The following CYLC1 variants were observed in gnomAD, a reference collection of about 807,000 sequenced individuals.
CYLC1 encodes cylicin 1, also known as cylicin-1.
A neutral mutation model predicts 31.6 loss-of-function variants in CYLC1; 2 were observed. The observed-to-expected ratio is 0.06, with a 90% CI of 0.03 to 0.20. The LOEUF (loss-of-function observed/expected upper bound fraction) is 0.20. Among genes scored for constraint, CYLC1 ranks in the 10% least tolerant of loss-of-function variants. CYLC1 has a pLI of 1.00. For synonymous variants in CYLC1, 185 were observed against 153.0 expected, an observed-to-expected ratio of 1.21 and a Z score of -1.54; for missense variants, 595 against 424.1, an observed-to-expected ratio of 1.40 and a Z score of -3.54.
At position 83,864,391 on chromosome X, in the gene CYLC1, T is replaced by A. The variant is rs1368657314; in HGVS notation, c.17+3192T>A. On this transcript the variant is annotated intron_variant, in intron 1 of 4. Transcript: ENST00000329312. ...TCCCATCAGTGTTCAAAAAAAGTAG[T>A]AACTCCTACCACTTAAAAATCCCTT... Among the ~76,000 whole-genome samples the A allele has an allele frequency of 1.1e-4, 12 of 111,017 alleles. No individual in the cohort carries two copies. The Admixed American group carries it at 1.2e-3, about 11-fold the overall frequency.
At chrX:83,877,985 A>T (rs1355749724) in intron 4 of CYLC1, among the ~76,000 whole-genome samples, 1 of 70,520 alleles carries the variant, frequency 1.4e-5, no homozygotes, top group African/African-American at 5.5e-5. Context: ...TATAAATATA[A>T]ATATATATAT....
intron 1 of CYLC1, among the ~76,000 whole-genome samples, chrX:83,862,480 T>C (rs1170550834): frequency 1.8e-5 from 2 of 110,762 alleles, no homozygotes; most frequent in African/African-American, 6.6e-5. Context: ...GGGGCGGAGC[T>C]TGCAGTGAGC....
rs901302040 is a variant in CYLC1, at chrX:83,865,498, T to C, written c.17+4299T>C. The stretch of plus-strand genomic sequence containing the variant: ...ACCTTGATTAGTTTCATATTGCCTC[T>C]GTAACAAATTACCATATACTTTGTG... On this transcript the variant is annotated intron_variant, in intron 1 of 4. Transcript: ENST00000329312. Among the ~76,000 whole-genome samples the C allele has an allele frequency of 4.5e-5, 5 of 112,211 alleles. No individual in the cohort carries two copies. The East Asian group carries it at 8.4e-4, about 19-fold the overall frequency.
rs763345763 is a variant in CYLC1, at chrX:83,873,874, A to G, written c.1166A>G (p.Lys389Arg). ...DARNDSRNLK[K>R]ASKNDDKKKD... Reference sequence around the variant, plus strand: ...AGAAATGATTCAAGAAATTTGAAGAAAGCTTCAAAGAATGATGACAAGAAA... The same window carrying G: ...AGAAATGATTCAAGAAATTTGAAGAGAGCTTCAAAGAATGATGACAAGAAA... Residue 389 changes from lysine (K) to arginine (R), a missense_variant, in exon 4 of 5, where the codon AAA (lysine) becomes AGA (arginine). Transcript: ENST00000329312. The G allele has an allele frequency of 9.6e-4, 1,144 of 1,193,134 alleles. 10 individuals carry two copies. In the South Asian group the frequency reaches 0.02, roughly 20 times the overall value.
At chrX:83,878,003 TAA>T (rs1285382093) in intron 4 of CYLC1, among the ~76,000 whole-genome samples, 17 of 70,678 alleles carry the variant, frequency 2.4e-4, no homozygotes, top group African/African-American at 8.8e-4. Context: ...TATTTGTATA[TAA>T]ATATATATAT....
intron 4 of CYLC1, among the ~76,000 whole-genome samples, chrX:83,877,541 C>A (rs952113595): frequency 2.7e-5 from 3 of 110,295 alleles, no homozygotes; most frequent in Non-Finnish European, 5.7e-5. Context: ...CTTTTTGTTT[C>A]TCATAAACAC....
chrX:83,874,218 G>C lies in CYLC1; in HGVS notation c.1510G>C (p.Gly504Arg). ...CAAGAAACACTCAAAGGAAAAGAAA[G>C]GTTCAAAGAAAGATATCAAGAAGGA... is the stretch of plus-strand genomic sequence containing the variant. ...KDKKHSKEKKGSKKDIKKDAR... is the reference protein window; with the variant it reads ...KDKKHSKEKKRSKKDIKKDAR... Residue 504 changes from glycine (G) to arginine (R), a missense_variant, in exon 4 of 5, where the codon GGT (glycine) becomes CGT (arginine). By Grantham distance (125) the Gly-to-Arg change is moderately radical (BLOSUM62 -2). Coordinates refer to ENST00000329312, the MANE Select transcript of CYLC1 (RefSeq NM_021118.3). 1 of 1,205,859 alleles carries C rather than the reference G, an allele frequency of 8.3e-7. No individual in the cohort carries two copies. Among genetic ancestry groups the C allele is most frequent in the Non-Finnish European group, 1.1e-6 (1 of 891,686 alleles).
At position 83,874,474 on chromosome X, in the gene CYLC1, A is replaced by G. The variant is rs1403728026; in HGVS notation, c.1766A>G (p.Asn589Ser). 2 of 1,209,926 alleles carry G rather than the reference A, an allele frequency of 1.7e-6. No homozygotes were observed. Among genetic ancestry groups the G allele is most frequent in the East Asian group, 3.0e-5 (1 of 33,741 alleles). The change falls in exon 4 of 5, where the codon AAT (asparagine) becomes AGT (serine). Residue 589 changes from asparagine (N) to serine (S), a missense_variant. Coordinates refer to ENST00000329312, the MANE Select transcript of CYLC1 (RefSeq NM_021118.3). Reference sequence around the variant, plus strand: ...ATGTCATCCAAAAAGACTACATTCAATGAAAAAGGGGAAAAAGCAAGTACA... The same window carrying G: ...ATGTCATCCAAAAAGACTACATTCAGTGAAAAAGGGGAAAAAGCAAGTACA... ...FRMSSKKTTF[N>S]EKGEKASTGR...
At position 83,881,895 on chromosome X, in the gene CYLC1, A is replaced by G. The variant is rs903949351; in HGVS notation, c.1924-4657A>G. Among the ~76,000 whole-genome samples the G allele has an allele frequency of 1.8e-4, 20 of 109,646 alleles. No individual in the cohort carries two copies. In the Admixed American group the frequency reaches 2.0e-3, roughly 11 times the overall value. The stretch of plus-strand genomic sequence containing the variant: ...GTATTTTTAGTAGAGACGGGATTTC[A>G]CCGTGTTAGCCAGGATGGTTTCGAT... On this transcript the variant is annotated intron_variant, in intron 4 of 4. Coordinates refer to ENST00000329312, the MANE Select transcript of CYLC1 (RefSeq NM_021118.3).
At chrX:83,883,131 CCTT>C (rs1174024360) in intron 4 of CYLC1, among the ~76,000 whole-genome samples, 5 of 111,101 alleles carry the variant, frequency 4.5e-5, no homozygotes, top group Admixed American at 9.7e-5. Context: ...ATTGGTTTCT[CCTT>C]CTTCTCCAGT....
In CYLC1 at chrX:83,874,293, A is replaced by C. The variant is rs2031726512; in HGVS notation, c.1585A>C (p.Lys529Gln). The change falls in exon 4 of 5, where the codon AAG becomes CAG. Residue 529 changes from lysine to glutamine, a missense_variant. Coordinates refer to ENST00000329312, the MANE Select transcript of CYLC1 (RefSeq NM_021118.3). ...STDAEFDESS[K>Q]TGFKTSTKIK... ...TGATGCTGAATTTGATGAATCTTCC[A>C]AGACAGGCTTTAAAACATCTACAAA... 4.1e-6 allele frequency: 5 copies of C among 1,209,987 alleles called. No individual in the cohort carries two copies. Among genetic ancestry groups the C allele is most frequent in the African/African-American group, 1.7e-5 (1 of 57,656 alleles).
chrX:83,868,062 G>A (rs2031614808), intron 1 of CYLC1, among the ~76,000 whole-genome samples: 1 of 111,113 alleles, frequency 9.0e-6, no homozygotes, highest in African/African-American at 3.3e-5. Context: ...AGAAAGTTAT[G>A]TTTATAAATA....
intron 4 of CYLC1, among the ~76,000 whole-genome samples, chrX:83,883,161 T>C (rs190930082): frequency 8.8e-4 from 98 of 111,547 alleles, no homozygotes; most frequent in South Asian, 7.9e-3. Flanking sequence ...CTTCAAAGCT[T>C]GACTTTCCCT....
At chrX:83,879,207 C>G (rs980628414) in intron 4 of CYLC1, among the ~76,000 whole-genome samples, 2 of 109,830 alleles carry the variant, frequency 1.8e-5, no homozygotes, top group East Asian at 5.7e-4. Context: ...ATATAAAATA[C>G]GTAAAGAAAA....
In CYLC1 at chrX:83,873,145, A is replaced by C; in HGVS notation, c.437A>C (p.Gln146Pro). Residue 146 changes from glutamine (Q) to proline (P), a missense_variant, in exon 4 of 5, where the codon CAA becomes CCA. Transcript: ENST00000329312. ...GSYATNPESK[Q>P]IVEEKTKRQN... ...TATGCAACAAATCCAGAATCCAAGC[A>C]AATAGTAGAAGAGAAAACTAAAAGA... 1 of 1,201,655 alleles carries C rather than the reference A, an allele frequency of 8.3e-7. No individual in the cohort carries two copies. The highest frequency in any genetic ancestry group is 1.1e-6 in the Non-Finnish European group (1 of 890,658).
Position 83,877,909 on chromosome X carries a change from A to AATAT in CYLC1, c.1923+3292_1923+3295dup, listed in dbSNP as rs1180924227. ...ATATATATATATACAAATATATATAAATATATATATATATATAAATATAAA... is the reference window on the plus strand; with the variant it reads ...ATATATATATATACAAATATATATAAATATATATATATATATATATAAATATAAA... On this transcript the variant is annotated intron_variant, in intron 4 of 4. Transcript: ENST00000329312. Among the ~76,000 whole-genome samples, 89 of 20,995 alleles carry AATAT rather than the reference A, an allele frequency of 4.2e-3. 1 individual carries two copies. Among genetic ancestry groups the AATAT allele is most frequent in the African/African-American group, 7.7e-3 (82 of 10,669 alleles). 18.2% of individuals were successfully genotyped at this position (20,995 alleles called of 115,157 possible).
At chrX:83,881,742 T>G (rs1025166289) in intron 4 of CYLC1, among the ~76,000 whole-genome samples, 1 of 107,832 alleles carries the variant, frequency 9.3e-6, no homozygotes, top group African/African-American at 3.4e-5. Context: ...TTTTTTTTTT[T>G]GAGACAGAGT....
In CYLC1 at chrX:83,873,843, G is replaced by A. The variant is rs868772172; in HGVS notation, c.1135G>A (p.Asp379Asn). Residue 379 changes from aspartate to asparagine, a missense_variant, in exon 4 of 5, where the codon GAT becomes AAT. Transcript: ENST00000329312. ...STDTESGDAK[D>N]ARNDSRNLKK... Reference sequence around the variant, plus strand: ...TGATACTGAATCAGGAGATGCAAAGGATGCAAGAAATGATTCAAGAAATTT... The same window carrying A: ...TGATACTGAATCAGGAGATGCAAAGAATGCAAGAAATGATTCAAGAAATTT... 1.7e-6 allele frequency: 2 copies of A among 1,188,575 alleles called. No individual in the cohort carries two copies. Among genetic ancestry groups the A allele is most frequent in the South Asian group, 1.8e-5 (1 of 55,251 alleles).
rs1442443985 is a variant in CYLC1, at chrX:83,873,332, G to T, written c.624G>T (p.Lys208Asn). Residue 208 changes from lysine to asparagine, a missense_variant, in exon 4 of 5, where the codon AAG becomes AAT. By Grantham distance (94) the Lys-to-Asn change is moderately conservative (BLOSUM62 0). Transcript: ENST00000329312. ...KDKKDSKNSKKTNTEFLHTKN... is the reference protein window; with the variant it reads ...KDKKDSKNSKNTNTEFLHTKN... ...AGAAAGATTCAAAGAATTCCAAGAA[G>T]ACAAACACTGAATTCCTACATACAA... 3.3e-6 allele frequency: 4 copies of T among 1,202,428 alleles called. No individual in the cohort carries two copies. Among genetic ancestry groups the T allele is most frequent in the East Asian group, 3.0e-5 (1 of 33,646 alleles).
Sources: gnomAD v4.1 joint callset for allele counts (sites outside exome capture counted in the v4.1 genomes callset) on GRCh38, gnomAD v4.1.1 for gene constraint, MANE v1.5 for transcripts, NCBI Gene and HGNC (gene_info 2026-07-23, HGNC 2026-07-21) for gene names.